The following MAPK8IP3 variants were observed in gnomAD, a reference collection of about 807,000 sequenced individuals.
The protein encoded by MAPK8IP3 is C-Jun-amino-terminal kinase-interacting protein 3.
MAPK8IP3 carries 49 observed loss-of-function variants against 157.8 expected under a neutral mutation model. That is an observed-to-expected ratio of 0.31 (90% CI 0.25 to 0.39). MAPK8IP3 has a LOEUF of 0.39. Among genes scored for constraint, MAPK8IP3 ranks in the 10% least tolerant of loss-of-function variants. MAPK8IP3 has a pLI of 1.00. For synonymous variants in MAPK8IP3, 897 were observed against 777.7 expected (o/e 1.15, Z -2.55); for missense variants, 1,478 against 1,889.4 (o/e 0.78, Z 4.04).
In MAPK8IP3 at chr16:1,741,914, C is replaced by G. The variant is rs1464596207; in HGVS notation, c.603-1418C>G. On this transcript the variant is annotated intron_variant, in intron 4 of 31. Transcript: ENST00000610761. This position sits in a 1 kb window ranked among gnomAD's most constrained non-coding sequence, Gnocchi z 6.9. Reference sequence around the variant, plus strand: ...CCACAAAGAGACCCCTTCCCAGGGTCATTCTTCATAGCTCCCCACCCAGGT... The same window carrying G: ...CCACAAAGAGACCCCTTCCCAGGGTGATTCTTCATAGCTCCCCACCCAGGT... Among the ~76,000 whole-genome samples, 1 of 152,150 alleles carries G rather than the reference C, an allele frequency of 6.6e-6. No individual in the cohort carries two copies. The highest frequency in any genetic ancestry group is 1.9e-4 in the East Asian group (1 of 5,188).
At position 1,764,212 on chromosome 16, in the gene MAPK8IP3, T is replaced by TGAGCCCGCGAG. The variant is rs2042120872; in HGVS notation, c.2121+5_2121+15dup. The TGAGCCCGCGAG allele has an allele frequency of 6.2e-7, 1 of 1,609,952 alleles. No individual in the cohort carries two copies. Among genetic ancestry groups the TGAGCCCGCGAG allele is most frequent in the Admixed American group, 1.7e-5 (1 of 59,884 alleles). On this transcript the variant is annotated splice_region_variant and intron_variant, in intron 18 of 31. Transcript: ENST00000610761. ...GTGGAGAAGGACCCCACCATGAAGG[T>TGAGCCCGCGAG]GAGCCCGCGAGGACCCCGCTCAGGC...
At chr16:1,752,789 C>T (rs1026926458) in intron 8 of MAPK8IP3, among the ~76,000 whole-genome samples, 2 of 151,214 alleles carry the variant, frequency 1.3e-5, no homozygotes, top group Non-Finnish European at 1.5e-5. Context: ...AAGAAAAAGT[C>T]AGGCAGTCCT....
rs2042448490 is a variant in MAPK8IP3, at chr16:1,768,867, A to T, written c.*43A>T. The T allele has an allele frequency of 3.8e-6, 6 of 1,599,188 alleles. No homozygotes were observed. The African/African-American group carries it at 8.0e-5, about 21-fold the overall frequency. Reference sequence around the variant, plus strand: ...GCCCGACCTGTACATAGGACCCCCGACCACCTGACCCCCGCCCGGCCCGCG... The same window carrying T: ...GCCCGACCTGTACATAGGACCCCCGTCCACCTGACCCCCGCCCGGCCCGCG... On this transcript the variant is annotated 3_prime_UTR_variant, in exon 32 of 32. Coordinates refer to ENST00000610761, the MANE Select transcript of MAPK8IP3 (RefSeq NM_001318852.2).
In MAPK8IP3 at chr16:1,759,115, G is replaced by C. The variant is rs183141511; in HGVS notation, c.1246+120G>C. Reference sequence around the variant, plus strand: ...ACAGTGTTGGGGCCGCCGGGGTCAGGGGGGCAGCCCTGAGTGAAGCTCGCT... The same window carrying C: ...ACAGTGTTGGGGCCGCCGGGGTCAGCGGGGCAGCCCTGAGTGAAGCTCGCT... On this transcript the variant is annotated intron_variant, in intron 10 of 31. Coordinates refer to ENST00000610761, the MANE Select transcript of MAPK8IP3 (RefSeq NM_001318852.2). 1.2e-5 allele frequency: 16 copies of C among 1,363,598 alleles called. No individual in the cohort carries two copies. The South Asian group carries it at 1.3e-4, about 11-fold the overall frequency. 84.5% of individuals were successfully genotyped at this position (1,363,598 alleles called of 1,614,324 possible). A position where few individuals can be genotyped will look rare whatever the true frequency, so the allele number is the denominator to read the frequency against.
intron 1 of MAPK8IP3, among the ~76,000 whole-genome samples, chr16:1,718,785 CAAA>C (rs985470020): frequency 1.6e-5 from 2 of 125,614 alleles, no homozygotes; most frequent in Non-Finnish European, 3.4e-5. Context: ...AGAACCATCT[CAAA>C]AAAAAAAAAA....
chr16:1,748,522 T>C, intron 7 of MAPK8IP3, 80 bp from the exon 8 acceptor site: 1 of 1,246,454 alleles, frequency 8.0e-7, no homozygotes, highest in Non-Finnish European at 1.2e-6. Flanking sequence ...CGGTGGGAGG[T>C]GTTGGAAGAG....
chr16:1,759,736 G>A (rs1381587947), intron 10 of MAPK8IP3, among the ~76,000 whole-genome samples: 1 of 152,250 alleles, frequency 6.6e-6, no homozygotes, highest in Non-Finnish European at 1.5e-5. Flanking sequence ...CTGTGACATT[G>A]GTCGGACATG....
At chr16:1,725,092 TG>T (rs1208858896) in intron 2 of MAPK8IP3, among the ~76,000 whole-genome samples, 2 of 151,796 alleles carry the variant, frequency 1.3e-5, no homozygotes, top group Non-Finnish European at 2.9e-5. Flanking sequence ...AGCGCCTAGG[TG>T]GGGGGCACAG....
At chr16:1,747,869 C>G (rs2041062804) in intron 6 of MAPK8IP3, among the ~76,000 whole-genome samples, 1 of 152,054 alleles carries the variant, frequency 6.6e-6, no homozygotes, top group Admixed American at 6.6e-5. Context: ...GCACACAGCC[C>G]CACTAACCAG....
At chr16:1,753,249 T>G (rs2041396635) in intron 8 of MAPK8IP3, among the ~76,000 whole-genome samples, 1 of 152,146 alleles carries the variant, frequency 6.6e-6, no homozygotes. Context: ...CCATCGAATC[T>G]CAGACAACAC....
rs1346689911 is a variant in MAPK8IP3 at position 1,766,923 on chromosome 16, C to A, written c.3040C>A (p.Leu1014Met). ...LSLVHVKGRV[L>M]VALADGTLAI... Reference sequence around the variant, plus strand: ...TTTCAGGCATGTCAAAGGCCGTGTGCTGGTGGCTCTGGCGGACGGGACCCT... The same window carrying A: ...TTTCAGGCATGTCAAAGGCCGTGTGATGGTGGCTCTGGCGGACGGGACCCT... Residue 1014 changes from leucine to methionine, a missense_variant, in exon 25 of 32, where the codon CTG (leucine) becomes ATG (methionine). Leu to Met is a conservative substitution (Grantham distance 15). This residue lies in a region of MAPK8IP3 where 669 missense variants were observed against 759.8 expected (regional missense o/e 0.88). Transcript: ENST00000610761. 6.3e-7 allele frequency: 1 copy of A among 1,598,848 alleles called. No homozygotes were observed. Among genetic ancestry groups the A allele is most frequent in the East Asian group, 2.2e-5 (1 of 44,632 alleles).
At chr16:1,735,197 T>A (rs1160082884) in intron 4 of MAPK8IP3, 1 of 152,310 alleles carries the variant, frequency 6.6e-6, no homozygotes, top group Non-Finnish European at 1.5e-5. Flanking sequence ...CCTGCGTGTC[T>A]CACATCACCA....
Position 1,763,818 on chromosome 16 carries a change from C to T in MAPK8IP3, c.2025+35C>T, listed in dbSNP as rs533164118. 63 of 1,419,902 alleles carry T rather than the reference C, an allele frequency of 4.4e-5. No homozygotes were observed. The Admixed American group carries it at 9.6e-4, about 22-fold the overall frequency. The allele number at this position is 1,419,902 out of a possible 1,614,324, so 88.0% of individuals were successfully genotyped here. ...GGCGCTGCGGGGACCGGGCGGGGCC[C>T]CGCAGAGGCGGGGCGGGGGTAAGGG... On this transcript the variant is annotated intron_variant, in intron 17 of 31. Coordinates refer to ENST00000610761, the MANE Select transcript of MAPK8IP3 (RefSeq NM_001318852.2).
chr16:1,754,410 C>T (rs1567191575), intron 8 of MAPK8IP3, among the ~76,000 whole-genome samples: 3 of 152,150 alleles, frequency 2.0e-5, no homozygotes, highest in South Asian at 4.1e-4. Flanking sequence ...TCTTTCTCTC[C>T]GCTCTGCTCT....
rs774486172 is a variant in MAPK8IP3, at chr16:1,758,176, C to T, written c.1228+17C>T. On this transcript the variant is annotated intron_variant, in intron 9 of 31. Transcript: ENST00000610761. ...AGTTCTCAGGTGAGTATCTCACTCT[C>T]CTGTCTGTCTCCCCTCTGTGTGACG... The T allele has an allele frequency of 3.1e-6, 5 of 1,613,542 alleles. No homozygotes were observed. The highest frequency in any genetic ancestry group is 4.2e-6 in the Non-Finnish European group (5 of 1,179,756).
chr16:1,747,079 A>C lies in MAPK8IP3; in HGVS notation c.798A>C (p.Thr266=). The C allele has an allele frequency of 1.2e-6, 2 of 1,613,516 alleles. No individual in the cohort carries two copies. The highest frequency in any genetic ancestry group is 1.7e-6 in the Non-Finnish European group (2 of 1,179,654). Reference sequence around the variant, plus strand: ...CAGGCCAGTCCTCGGCGGCCGCCACACCCAGCACCACAGGCACCAAGTCCA... The same window carrying C: ...CAGGCCAGTCCTCGGCGGCCGCCACCCCCAGCACCACAGGCACCAAGTCCA... ...SESGQSSAAA[T]PSTTGTKSNT... Residue 266 remains threonine, a synonymous_variant, in exon 6 of 32, where the codon ACA becomes ACC. Coordinates refer to ENST00000610761, the MANE Select transcript of MAPK8IP3 (RefSeq NM_001318852.2).
chr16:1,762,620 A>AG, intron 14 of MAPK8IP3, 55 bp from the exon 15 acceptor site: 1 of 1,542,688 alleles, frequency 6.5e-7, no homozygotes, highest in Non-Finnish European at 8.8e-7. Flanking sequence ...AGAGAGTCGC[A>AG]GGTAAGGGAG....
At chr16:1,761,415 A>G (rs1217017295) in intron 13 of MAPK8IP3, 110 bp downstream of exon 13, 14 of 960,266 alleles carry the variant, frequency 1.5e-5, no homozygotes, top group Admixed American at 3.6e-5. Flanking sequence ...TTCACCATTC[A>G]CAGGCAGAGC....
At chr16:1,729,347 G>A (rs1038021114) in intron 3 of MAPK8IP3, 139 bp downstream of exon 3, 11 of 1,267,592 alleles carry the variant, frequency 8.7e-6, no homozygotes, top group Non-Finnish European at 1.0e-5. Flanking sequence ...AAGGCTGTCA[G>A]CCCCAGGCTG....
Sources: allele counts gnomAD v4.1 joint callset (sites outside exome capture counted in the v4.1 genomes callset), GRCh38; gene constraint gnomAD v4.1.1; regional missense constraint gnomAD v4.1.1; non-coding constraint Gnocchi (gnomAD v3.1); transcripts MANE v1.5; gene names NCBI Gene and HGNC (gene_info 2026-07-23, HGNC 2026-07-21).